The following OR7E24 variants were observed in gnomAD, a reference collection of about 807,000 sequenced individuals.
The protein encoded by OR7E24 is olfactory receptor 7E24.
For missense variants in OR7E24, 385 were observed against 410.3 expected (o/e 0.94, Z 0.53); for synonymous variants, 130 against 157.5 (o/e 0.83, Z 1.31).
Position 9,251,367 on chromosome 19 carries a change from A to G in OR7E24, c.324A>G (p.Arg108=). ...KMIVDMQTHS[R]VISYEGCLTQ... is the part of the protein sequence containing the mutation. ...TTGTGGACATGCAAACTCACAGCAG[A>G]GTCATCTCCTATGAAGGCTGCCTGA... The change falls in exon 1 of 1, where the codon AGA becomes AGG. Residue 108 remains arginine (R), a synonymous_variant. Coordinates refer to ENST00000456448, the MANE Select transcript of OR7E24 (RefSeq NM_001079935.2). 6.2e-7 allele frequency: 1 copy of G among 1,614,074 alleles called. No homozygotes were observed. Among genetic ancestry groups the G allele is most frequent in the Non-Finnish European group, 8.5e-7 (1 of 1,179,976 alleles).
At chr19:9,214,865 G>A in the OR7E24 span, 2 of 1,443,312 alleles carry the variant, frequency 1.4e-6, no homozygotes, top group Non-Finnish European at 1.9e-6. Flanking sequence ...TGGGGAAGGA[G>A]GAAAAAGCAA....
upstream of OR7E24, among the ~76,000 whole-genome samples, chr19:9,242,373 A>C (rs968922913): frequency 9.9e-5 from 15 of 152,038 alleles, no homozygotes; most frequent in African/African-American, 3.6e-4. Flanking sequence ...CAGCCTCCCA[A>C]GTAGCTGGAA....
the OR7E24 span, among the ~76,000 whole-genome samples, chr19:9,222,176 T>C: frequency 6.6e-6 from 1 of 152,214 alleles, no homozygotes; most frequent in Admixed American, 6.5e-5. Flanking sequence ...AGTTGGTCTA[T>C]GTATCTAGTT....
At chr19:9,237,004 G>A in the OR7E24 span, among the ~76,000 whole-genome samples, 1 of 152,122 alleles carries the variant, frequency 6.6e-6, no homozygotes, top group Non-Finnish European at 1.5e-5. Context: ...GTTGAGGTCG[G>A]CTATATCAGG....
chr19:9,215,078 C>G, the OR7E24 span, among the ~76,000 whole-genome samples: 2 of 152,154 alleles, frequency 1.3e-5, no homozygotes, highest in African/African-American at 4.8e-5. Flanking sequence ...GGCATGGTGG[C>G]TCACGCCTGT....
At chr19:9,232,308 G>C in the OR7E24 span, among the ~76,000 whole-genome samples, 1 of 152,190 alleles carries the variant, frequency 6.6e-6, no homozygotes, top group South Asian at 2.1e-4. Flanking sequence ...GGGAGGCCGA[G>C]GTGGACGGAT....
chr19:9,230,169 T>C, the OR7E24 span, among the ~76,000 whole-genome samples: 2 of 151,818 alleles, frequency 1.3e-5, no homozygotes, highest in Non-Finnish European at 2.9e-5. Context: ...CTCAGCCTCC[T>C]GAGTAGCTGG....
chr19:9,214,516 C>T, the OR7E24 span: 1 of 1,614,132 alleles, frequency 6.2e-7, no homozygotes, highest in Middle Eastern at 1.6e-4. Flanking sequence ...TCCATTCCAG[C>T]AAACATCATT....
rs1568336403 is a variant in OR7E24 at position 9,251,847 on chromosome 19, AT to A, written c.796del (p.Tyr266MetfsTer6). ...GCTCTCACCTGGCAGTTGTTTGCTT[AT>A]TTTATGGAACAGGGCTTGTAGGGTA... On this transcript the variant is annotated frameshift_variant, in exon 2 of 2. Transcript: ENST00000641946. LOFTEE classifies it low-confidence loss of function (END_TRUNC). 3 of 1,614,020 alleles carry A rather than the reference AT, an allele frequency of 1.9e-6. No homozygotes were observed. The highest frequency in any genetic ancestry group is 1.7e-6 in the Non-Finnish European group (2 of 1,179,954).
chr19:9,217,695 C>A, the OR7E24 span, among the ~76,000 whole-genome samples: 2 of 152,084 alleles, frequency 1.3e-5, no homozygotes, highest in Admixed American at 1.3e-4. Context: ...TGTGCCACTA[C>A]GCTCAGCTAA....
At chr19:9,224,690 G>A in the OR7E24 span, among the ~76,000 whole-genome samples, 4 of 152,036 alleles carry the variant, frequency 2.6e-5, no homozygotes, top group African/African-American at 9.7e-5. Flanking sequence ...ACTTGAACTG[G>A]GGAGGTGGAG....
chr19:9,215,502 C>T, the OR7E24 span, among the ~76,000 whole-genome samples: 1 of 152,060 alleles, frequency 6.6e-6, no homozygotes, highest in East Asian at 1.9e-4. Flanking sequence ...CCCCATGCTT[C>T]CTTCATTCTA....
At chr19:9,245,182 T>C (rs2066125745), upstream of OR7E24, among the ~76,000 whole-genome samples, 1 of 151,930 alleles carries the variant, frequency 6.6e-6, no homozygotes, top group African/African-American at 2.4e-5. Context: ...GCCACTGCAT[T>C]CCAGCCTGGG....
chr19:9,235,348 G>C, the OR7E24 span: 1 of 1,375,514 alleles, frequency 7.3e-7, no homozygotes, highest in Non-Finnish European at 1.0e-6. Flanking sequence ...CTTGTCCTTT[G>C]TGGACACCTG....
the OR7E24 span, among the ~76,000 whole-genome samples, chr19:9,218,065 T>G: frequency 6.6e-6 from 1 of 152,194 alleles, no homozygotes. Context: ...CAACTTATAT[T>G]TAGTTTTAGA....
the OR7E24 span, chr19:9,213,705 T>C: frequency 3.5e-6 from 2 of 573,472 alleles, no homozygotes; most frequent in African/African-American, 3.8e-5. Context: ...ACCACTGCAC[T>C]CTAGCCTGGG....
At chr19:9,228,208 A>G in the OR7E24 span, among the ~76,000 whole-genome samples, 1 of 152,142 alleles carries the variant, frequency 6.6e-6, no homozygotes, top group Admixed American at 6.5e-5. Context: ...AATAATAGCC[A>G]TTCTCACTGT....
chr19:9,214,449 A>T, the OR7E24 span: 1 of 1,614,194 alleles, frequency 6.2e-7, no homozygotes, highest in Admixed American at 1.7e-5. Context: ...CGTGTAGTGC[A>T]GTGGGTGGCA....
At chr19:9,214,436 G>A in the OR7E24 span, 1 of 1,614,172 alleles carries the variant, frequency 6.2e-7, no homozygotes, top group Non-Finnish European at 8.5e-7. Flanking sequence ...GGTTCATGAT[G>A]ACCGTGTAGT....
Sources: gnomAD v4.1 joint callset for allele counts (sites outside exome capture counted in the v4.1 genomes callset) on GRCh38, gnomAD v4.1.1 for gene constraint, MANE v1.5 for transcripts, NCBI Gene and HGNC (gene_info 2026-07-23, HGNC 2026-07-21) for gene names.